Variants in PHIP observed in about 807,000 individuals in gnomAD.
The protein encoded by PHIP is PHIP subunit of CUL4-Ring ligase complex, also known as PH-interacting protein.
PHIP carries 54 observed loss-of-function variants against 236.8 expected under a neutral mutation model. The ratio of observed to expected loss-of-function variants is 0.23; its 90% CI spans 0.18 to 0.29. The LOEUF (loss-of-function observed/expected upper bound fraction) is 0.29, where lower values mean the gene tolerates loss of function less well. PHIP is among the 10% of genes least tolerant of loss of function. The pLI is 1.00. For missense variants in PHIP, 1,370 were observed against 2,190.8 expected, an observed-to-expected ratio of 0.63 and a Z score of 7.48; for synonymous variants, 756 against 718.9, an observed-to-expected ratio of 1.05 and a Z score of -0.83.
intron 30 of PHIP, 89 bp downstream of exon 30, chr6:78,963,008 A>G (rs933741380): frequency 7.9e-7 from 1 of 1,269,490 alleles, no homozygotes; most frequent in Non-Finnish European, 1.1e-6. Flanking sequence ...GGATATTGTG[A>G]AAAAAAATTT....
intron 31 of PHIP, among the ~76,000 whole-genome samples, chr6:78,960,678 C>T (rs1263294783): frequency 6.6e-6 from 1 of 151,968 alleles, no homozygotes; most frequent in African/African-American, 2.4e-5. Flanking sequence ...CAGTGGTTCT[C>T]AATCAAGGAC....
chr6:79,030,678 T>C (rs1205757438), intron 7 of PHIP, among the ~76,000 whole-genome samples: 1 of 152,106 alleles, frequency 6.6e-6, no homozygotes, highest in East Asian at 1.9e-4. Flanking sequence ...GAGGTTTAGG[T>C]TAGAGATAGA....
intron 22 of PHIP, among the ~76,000 whole-genome samples, 180 bp from the exon 23 acceptor site, chr6:78,983,297 C>T (rs923410272): frequency 6.6e-6 from 1 of 152,022 alleles, no homozygotes; most frequent in Non-Finnish European, 1.5e-5. Context: ...ATAGGCTTTA[C>T]TTAAATATCG....
At chr6:79,040,986 C>A (rs1172514673) in intron 7 of PHIP, among the ~76,000 whole-genome samples, 1 of 152,106 alleles carries the variant, frequency 6.6e-6, no homozygotes, top group Non-Finnish European at 1.5e-5. Flanking sequence ...CAAGCAGCTT[C>A]CTCTTCGCAT....
Position 79,008,355 on chromosome 6 carries a change from T to C in PHIP, c.1525-4497A>G, listed in dbSNP as rs141078048. 7.9e-5 allele frequency among the ~76,000 whole-genome samples: 12 copies of C among 151,890 alleles called. No homozygotes were observed. In the East Asian group the frequency reaches 2.3e-3, roughly 29 times the overall value. On this transcript the variant is annotated intron_variant, in intron 15 of 39. Transcript: ENST00000275034. ...AAAATCAGTAGATCAGATTATTACATAAAATGAAAAAAAAATTATTATATA... is the reference window on the plus strand; with the variant it reads ...AAAATCAGTAGATCAGATTATTACACAAAATGAAAAAAAAATTATTATATA...
chr6:79,024,740 G>A (rs938911846), intron 9 of PHIP, among the ~76,000 whole-genome samples: 15 of 152,190 alleles, frequency 9.9e-5, no homozygotes, highest in African/African-American at 3.6e-4. Context: ...GGGAGGCAGA[G>A]CTTGCAGTGA....
intron 36 of PHIP, among the ~76,000 whole-genome samples, chr6:78,947,104 A>C (rs1453772852): frequency 6.6e-6 from 1 of 152,198 alleles, no homozygotes; most frequent in Non-Finnish European, 1.5e-5. Flanking sequence ...TTCTTAAAGA[A>C]AAGTCCGACT....
intron 4 of PHIP, among the ~76,000 whole-genome samples, chr6:79,066,621 C>T (rs749197659): frequency 1.3e-5 from 2 of 152,136 alleles, no homozygotes; most frequent in Non-Finnish European, 2.9e-5. Context: ...AAACATTTCA[C>T]AGTTCACTTG....
chr6:79,017,507 T>C lies in PHIP; in HGVS notation c.1071A>G (p.Lys357=). 6.2e-7 allele frequency: 1 copy of C among 1,611,522 alleles called. No individual in the cohort carries two copies. Among genetic ancestry groups the C allele is most frequent in the South Asian group, 1.1e-5 (1 of 90,976 alleles). The change falls in exon 11 of 40, where the codon AAA becomes AAG. Residue 357 remains lysine (K), a synonymous_variant. Coordinates refer to ENST00000275034, the MANE Select transcript of PHIP (RefSeq NM_017934.7). ...CAGTATGAAACTCCAATTCTGATAT[T>C]TTCTCTGGCTGACCTGATCCAAAAA... ...VYFFGSGQPE[K]ISELEFHTDK...
chr6:79,035,372 C>T (rs944613831), intron 7 of PHIP, among the ~76,000 whole-genome samples: 1 of 152,108 alleles, frequency 6.6e-6, no homozygotes, highest in African/African-American at 2.4e-5. Context: ...TGCTCAATAA[C>T]ACAAGCAGAA....
chr6:78,945,614 G>A, intron 38 of PHIP, 117 bp from the exon 39 acceptor site: 2 of 684,930 alleles, frequency 2.9e-6, no homozygotes, highest in Non-Finnish European at 5.0e-6. Context: ...GATGCTTAAA[G>A]CTTTCTTAGG....
At chr6:79,024,969 C>G (rs927475413) in intron 9 of PHIP, among the ~76,000 whole-genome samples, 3 of 152,096 alleles carry the variant, frequency 2.0e-5, no homozygotes, top group African/African-American at 7.2e-5. Context: ...TACTATCCAG[C>G]CAACTTGTTT....
At chr6:78,990,613 G>A (rs1000514327) in intron 20 of PHIP, among the ~76,000 whole-genome samples, 3 of 152,032 alleles carry the variant, frequency 2.0e-5, no homozygotes, top group African/African-American at 7.2e-5. Flanking sequence ...TTCTTGATGA[G>A]GCTTCAGTGT....
intron 6 of PHIP, among the ~76,000 whole-genome samples, chr6:79,056,554 G>A (rs1173612234): frequency 6.6e-6 from 1 of 152,074 alleles, no homozygotes; most frequent in East Asian, 1.9e-4. Context: ...GAGATATTTG[G>A]CAATGTCTGG....
At chr6:79,073,578 TC>T (rs1774000013) in intron 4 of PHIP, among the ~76,000 whole-genome samples, 1 of 152,154 alleles carries the variant, frequency 6.6e-6, no homozygotes, top group South Asian at 2.1e-4. Flanking sequence ...CTTTTTTTTT[TC>T]CCTGAAAGTT....
At chr6:79,050,811 G>C (rs1020816626) in intron 6 of PHIP, among the ~76,000 whole-genome samples, 4 of 152,152 alleles carry the variant, frequency 2.6e-5, no homozygotes, top group Non-Finnish European at 4.4e-5. Flanking sequence ...TACAGTGTAT[G>C]AATGTATATT....
chr6:79,040,597 T>C (rs1018219321), intron 7 of PHIP, among the ~76,000 whole-genome samples: 2 of 152,096 alleles, frequency 1.3e-5, no homozygotes, highest in Admixed American at 6.6e-5. Context: ...AAGACTGATT[T>C]CCATAGGACT....
At chr6:79,044,410 C>T (rs1772370961) in intron 6 of PHIP, among the ~76,000 whole-genome samples, 1 of 152,160 alleles carries the variant, frequency 6.6e-6, no homozygotes, top group Non-Finnish European at 1.5e-5. Flanking sequence ...AGACCCCAGA[C>T]ACATTTTCTT....
At chr6:78,984,785 G>A (rs1353847558) in intron 22 of PHIP, among the ~76,000 whole-genome samples, 1 of 152,092 alleles carries the variant, frequency 6.6e-6, no homozygotes, top group African/African-American at 2.4e-5. Context: ...ACTAAGGTGG[G>A]GGATAAGTGT....
Sources: allele counts gnomAD v4.1 joint callset (sites outside exome capture counted in the v4.1 genomes callset), GRCh38; gene constraint gnomAD v4.1.1; transcripts MANE v1.5; gene names NCBI Gene and HGNC (gene_info 2026-07-23, HGNC 2026-07-21).